LPIN1: variants seen among roughly 807,000 people sequenced by gnomAD.
LPIN1 encodes phosphatidate phosphatase LPIN1.
LPIN1 carries 71 observed loss-of-function variants against 107.5 expected under a neutral mutation model. The observed-to-expected ratio is 0.66, with a 90% confidence interval of 0.55 to 0.80. The LOEUF (loss-of-function observed/expected upper bound fraction) is 0.80. Ranked by LOEUF, LPIN1 falls within the 30% of genes least tolerant of loss-of-function variation. LPIN1 has a pLI of 0.00. For synonymous variants in LPIN1, 445 were observed against 452.6 expected (o/e 0.98, Z 0.21); for missense variants, 1,043 against 1,160.6 (o/e 0.90, Z 1.47).
intron 1 of LPIN1, among the ~76,000 whole-genome samples, chr2:11,738,372 C>T (rs1418037424): frequency 4.1e-5 from 6 of 146,592 alleles, no homozygotes; most frequent in Admixed American, 2.7e-4. Context: ...TATCCCACAA[C>T]TTAAGGTATA....
intron 2 of LPIN1, among the ~76,000 whole-genome samples, chr2:11,714,551 C>T (rs4669776): frequency 0.026 from 3,983 of 152,288 alleles, 69 homozygotes; most frequent in Admixed American, 0.057. Flanking sequence ...TCTCCTCGGG[C>T]CTTCACCCTG....
At chr2:11,751,953 T>G (rs1416445965) in intron 1 of LPIN1, among the ~76,000 whole-genome samples, 1 of 152,262 alleles carries the variant, frequency 6.6e-6, no homozygotes, top group Non-Finnish European at 1.5e-5. Context: ...TGTTAATATT[T>G]ATGGAGCTAC....
intron 17 of LPIN1, 139 bp downstream of exon 17, chr2:11,805,295 T>G: frequency 1.4e-6 from 1 of 732,960 alleles, no homozygotes; most frequent in Non-Finnish European, 2.4e-6. Context: ...GCAGTGGGGG[T>G]CAGGGGTAGC....
intron 4 of LPIN1, 61 bp from the exon 5 acceptor site, chr2:11,773,559 A>G (rs1183404877): frequency 6.7e-7 from 1 of 1,483,804 alleles, no homozygotes; most frequent in Admixed American, 1.7e-5. Flanking sequence ...AAAAATTGGA[A>G]CTTGATTATG....
intron 13 of LPIN1, 170 bp downstream of exon 13, chr2:11,792,176 G>T: frequency 1.6e-6 from 1 of 636,112 alleles, no homozygotes; most frequent in Non-Finnish European, 2.8e-6. Context: ...CGTGGGGAAG[G>T]TGGGGAGGAA....
chr2:11,776,459 T>G (rs1248642452), intron 6 of LPIN1, among the ~76,000 whole-genome samples: 2 of 152,112 alleles, frequency 1.3e-5, no homozygotes, highest in Admixed American at 6.5e-5. Flanking sequence ...ATTCCTAAAT[T>G]TGACTCTCTG....
upstream of LPIN1, among the ~76,000 whole-genome samples, chr2:11,719,569 A>G (rs1051073988): frequency 1.3e-5 from 2 of 152,170 alleles, no homozygotes; most frequent in African/African-American, 4.8e-5. Context: ...TGTTCTTTAC[A>G]TTGCTGTGAG....
intron 1 of LPIN1, among the ~76,000 whole-genome samples, chr2:11,729,264 T>C (rs1438699907): frequency 2.0e-5 from 3 of 152,182 alleles, no homozygotes; most frequent in African/African-American, 7.2e-5. Context: ...TGTATACCTA[T>C]GTAACAAACC....
At chr2:11,727,075 C>T (rs1664739494) in intron 1 of LPIN1, among the ~76,000 whole-genome samples, 1 of 152,196 alleles carries the variant, frequency 6.6e-6, no homozygotes, top group Admixed American at 6.5e-5. Flanking sequence ...CTGTAATTTC[C>T]CTTTTAATCG....
chr2:11,785,254 TCA>T (rs1173147590), intron 10 of LPIN1, among the ~76,000 whole-genome samples, 178 bp downstream of exon 10: 1 of 152,256 alleles, frequency 6.6e-6, no homozygotes, highest in African/African-American at 2.4e-5. Flanking sequence ...TTAGTCGGCC[TCA>T]GAGTTCTGTG....
intron 9 of LPIN1, chr2:11,784,387 TA>T: frequency 8.9e-7 from 1 of 1,118,158 alleles, no homozygotes; most frequent in Non-Finnish European, 1.1e-6. Flanking sequence ...TCTATGGACA[TA>T]AGGGTGCGGG....
intron 2 of LPIN1, among the ~76,000 whole-genome samples, chr2:11,719,332 T>C (rs1451856437): frequency 1.3e-5 from 2 of 152,192 alleles, no homozygotes; most frequent in Non-Finnish European, 2.9e-5. Flanking sequence ...AAGATCCAAC[T>C]GGTAGAGTTC....
chr2:11,683,847 C>T (rs1345862620), intron 1 of LPIN1, among the ~76,000 whole-genome samples: 9 of 152,218 alleles, frequency 5.9e-5, no homozygotes. Context: ...AATCCTGGCT[C>T]TGCTGCTTCT....
intron 17 of LPIN1, among the ~76,000 whole-genome samples, chr2:11,813,318 G>A (rs1245329225): frequency 1.3e-5 from 2 of 152,114 alleles, no homozygotes; most frequent in Non-Finnish European, 2.9e-5. Flanking sequence ...TATTCAAAAT[G>A]ATATCACTTA....
At chr2:11,802,542 G>A (rs1042007197) in intron 14 of LPIN1, among the ~76,000 whole-genome samples, 1 of 152,172 alleles carries the variant, frequency 6.6e-6, no homozygotes, top group Non-Finnish European at 1.5e-5. Context: ...GACTCCTAGC[G>A]CTTGGCATGC....
intron 1 of LPIN1, among the ~76,000 whole-genome samples, chr2:11,688,597 T>C (rs983762035): frequency 1.3e-5 from 2 of 152,148 alleles, no homozygotes; most frequent in African/African-American, 4.8e-5. Flanking sequence ...AAATACCCTC[T>C]AGAGGGCGCT....
intron 12 of LPIN1, among the ~76,000 whole-genome samples, chr2:11,789,299 G>A (rs1258806906): frequency 6.6e-6 from 1 of 151,826 alleles, no homozygotes; most frequent in Non-Finnish European, 1.5e-5. Flanking sequence ...CTGTGCCTGT[G>A]TGTCAGTGTG....
intron 1 of LPIN1, among the ~76,000 whole-genome samples, chr2:11,702,822 A>G (rs1662940137): frequency 6.6e-6 from 1 of 152,030 alleles, no homozygotes; most frequent in Admixed American, 6.6e-5. Flanking sequence ...ACTATGGCAC[A>G]AGCTACTCTT....
intron 1 of LPIN1, among the ~76,000 whole-genome samples, chr2:11,761,757 A>G (rs1415168218): frequency 6.6e-6 from 1 of 152,168 alleles, no homozygotes; most frequent in Non-Finnish European, 1.5e-5. Context: ...TACAAAAGGT[A>G]TATTTTGTTT....
Sources: allele counts gnomAD v4.1 joint callset (sites outside exome capture counted in the v4.1 genomes callset), GRCh38; gene constraint gnomAD v4.1.1; transcripts MANE v1.5; gene names NCBI Gene and HGNC (gene_info 2026-07-23, HGNC 2026-07-21).